Variants in PACS2 observed in about 807,000 individuals in gnomAD.
The protein encoded by PACS2 is phosphofurin acidic cluster sorting protein 2, also known as PACS1-like protein.
A neutral mutation model predicts 113.0 loss-of-function variants in PACS2; 36 were observed. That is an observed-to-expected ratio of 0.32 (90% CI 0.24 to 0.42). The LOEUF is 0.42. Ranked by LOEUF, PACS2 falls within the 10% of genes least tolerant of loss-of-function variation. The pLI is 1.00. For missense variants in PACS2, 1,015 were observed against 1,239.5 expected (o/e 0.82, Z 2.72); for synonymous variants, 589 against 536.1 (o/e 1.10, Z -1.36).
At chr14:105,331,358 T>G (rs1413212739) in intron 1 of PACS2, among the ~76,000 whole-genome samples, 2 of 152,238 alleles carry the variant, frequency 1.3e-5, no homozygotes, top group Non-Finnish European at 2.9e-5. Context: ...TATTACGTAT[T>G]TCCTCTCCTA....
intron 1 of PACS2, among the ~76,000 whole-genome samples, chr14:105,342,770 G>A (rs931851267): frequency 6.6e-6 from 1 of 151,300 alleles, no homozygotes; most frequent in Non-Finnish European, 1.5e-5. Flanking sequence ...CCCATCTCTA[G>A]TAAAAATATA....
chr14:105,344,530 A>G (rs587627855), intron 1 of PACS2, among the ~76,000 whole-genome samples: 32 of 152,214 alleles, frequency 2.1e-4, no homozygotes, highest in Admixed American at 4.6e-4. Context: ...AAATTGGTAC[A>G]TTTTATCAAA....
At position 105,335,591 on chromosome 14, in the gene PACS2, GGGCCCA is replaced by G. The variant is rs2059485465; in HGVS notation, c.120-12898_120-12893del. ...GCCTCTGCTGAGGTGGCCCCTCACT[GGGCCCA>G]GGCATGGAGACCCAGTGGTCCTAGC... On this transcript the variant is annotated intron_variant, in intron 1 of 24. Coordinates refer to ENST00000447393, the MANE Select transcript of PACS2 (RefSeq NM_001100913.3). 3.3e-5 allele frequency among the ~76,000 whole-genome samples: 5 copies of G among 152,342 alleles called. No homozygotes were observed. In the South Asian group the frequency reaches 8.3e-4, roughly 25 times the overall value.
At position 105,394,718 on chromosome 14, in the gene PACS2, C is replaced by T; in HGVS notation, c.*46C>T. ...ACCTCCTGCCCCATGCTGTGAGGGG[C>T]CCAGCTGCATTTCTGTTAACATTTC... On this transcript the variant is annotated 3_prime_UTR_variant, in exon 25 of 25. Coordinates refer to ENST00000447393, the MANE Select transcript of PACS2 (RefSeq NM_001100913.3). The T allele has an allele frequency of 8.6e-7, 1 of 1,162,584 alleles. No individual in the cohort carries two copies. Among genetic ancestry groups the T allele is most frequent in the Non-Finnish European group, 1.3e-6 (1 of 768,850 alleles). The allele number at this position is 1,162,584 out of a possible 1,614,324, so 72.0% of individuals were successfully genotyped here. A position where few individuals can be genotyped will look rare whatever the true frequency, so the allele number is the denominator to read the frequency against.
chr14:105,321,033 A>G (rs2058865939), intron 1 of PACS2, among the ~76,000 whole-genome samples: 1 of 152,186 alleles, frequency 6.6e-6, no homozygotes, highest in African/African-American at 2.4e-5. Flanking sequence ...CGCACCTGTA[A>G]TTCCAGCTAC....
chr14:105,371,979 G>A (rs2061173012), intron 8 of PACS2: 1 of 152,228 alleles, frequency 6.6e-6, no homozygotes. Context: ...CTATTCAGCG[G>A]GCAGAGCTCT....
intron 19 of PACS2, among the ~76,000 whole-genome samples, chr14:105,387,169 C>T (rs2081204259): frequency 6.6e-6 from 1 of 152,210 alleles, no homozygotes; most frequent in Non-Finnish European, 1.5e-5. Flanking sequence ...GCTCTCTGTA[C>T]CCAGAGGAGG....
intron 2 of PACS2, among the ~76,000 whole-genome samples, chr14:105,350,217 G>T (rs782667933): frequency 1.3e-5 from 2 of 152,144 alleles, no homozygotes; most frequent in Non-Finnish European, 2.9e-5. Context: ...AGGCCGTGAG[G>T]CTGTGTCTGG....
chr14:105,372,310 TAGTC>T (rs1595730352), intron 8 of PACS2: 1 of 152,332 alleles, frequency 6.6e-6, no homozygotes, highest in East Asian at 1.9e-4. Context: ...CACACCTGGA[TAGTC>T]AGTTGATTTT....
chr14:105,385,333 G>A (rs587616216), intron 18 of PACS2, among the ~76,000 whole-genome samples: 35 of 152,342 alleles, frequency 2.3e-4, no homozygotes, highest in East Asian at 7.7e-4. Context: ...TGGGTTTCTC[G>A]GGCTGGGGAA....
Position 105,384,886 on chromosome 14 carries a change from C to T in PACS2, c.1899C>T (p.Asp633=). The T allele has an allele frequency of 6.3e-7, 1 of 1,580,776 alleles. No individual in the cohort carries two copies. The highest frequency in any genetic ancestry group is 8.6e-7 in the Non-Finnish European group (1 of 1,162,042). Residue 633 remains aspartate, a synonymous_variant, in exon 18 of 25, where the codon GAC becomes GAT. Transcript: ENST00000447393. ...CGCCTCCTCCCCCTGCAGTACAGGACACGCCAGACATTGTGTCACGCATCA... is the reference window on the plus strand; with the variant it reads ...CGCCTCCTCCCCCTGCAGTACAGGATACGCCAGACATTGTGTCACGCATCA... The part of the protein sequence containing the change: ...NKLEAQSAVQ[D]TPDIVSRITQ...
At chr14:105,368,571 G>A (rs781951709) in intron 7 of PACS2, 32 bp downstream of exon 7, 2 of 1,559,082 alleles carry the variant, frequency 1.3e-6, no homozygotes, top group Admixed American at 1.7e-5. Flanking sequence ...GAATGCTGGG[G>A]AAGGCGAGGG....
At chr14:105,306,133 G>A (rs2058180210) in intron 1 of PACS2, among the ~76,000 whole-genome samples, 1 of 152,182 alleles carries the variant, frequency 6.6e-6, no homozygotes, top group Non-Finnish European at 1.5e-5. Flanking sequence ...AACTGAACGT[G>A]CTCGTAACAC....
At chr14:105,344,981 C>T (rs1862506823) in intron 1 of PACS2, among the ~76,000 whole-genome samples, 1 of 152,082 alleles carries the variant, frequency 6.6e-6, no homozygotes, top group African/African-American at 2.4e-5. Context: ...TGGTAGTGCA[C>T]ACCTGTAATC....
rs1189415917 is a variant in PACS2, at chr14:105,367,324, A to G, written c.535A>G (p.Ile179Val). ...GATCGCCTCCCTGTCCAGCCAGCCC[A>G]TTGACCACGAAGACAGCACCATGCA... ...IWIASLSSQP[I>V]DHEDSTMQAG... is the part of the protein sequence containing the mutation. The change falls in exon 5 of 25, where the codon ATT becomes GTT. Residue 179 changes from isoleucine to valine, a missense_variant. Around this residue, in one of 3 missense-constraint regions of PACS2, gnomAD observed 859 missense variants for 1,056.8 expected, o/e 0.81. Coordinates refer to ENST00000447393, the MANE Select transcript of PACS2 (RefSeq NM_001100913.3). 1.9e-6 allele frequency: 3 copies of G among 1,613,236 alleles called. No homozygotes were observed. Among genetic ancestry groups the G allele is most frequent in the Non-Finnish European group, 2.5e-6 (3 of 1,179,994 alleles).
At chr14:105,378,380 C>G (rs1355877475) in intron 9 of PACS2, among the ~76,000 whole-genome samples, 1 of 152,190 alleles carries the variant, frequency 6.6e-6, no homozygotes, top group African/African-American at 2.4e-5. Flanking sequence ...GCAGACACTG[C>G]TAAGTCCCGT....
At chr14:105,364,409 C>T (rs1258777713) in intron 4 of PACS2, among the ~76,000 whole-genome samples, 1,019 of 101,316 alleles carry the variant, frequency 0.01, 29 homozygotes, top group African/African-American at 0.047. Flanking sequence ...CCCGGGTGCG[C>T]GGTGGGCGGT....
chr14:105,389,231 A>G (rs2081277422), intron 19 of PACS2: 1 of 152,478 alleles, frequency 6.6e-6, no homozygotes, highest in Non-Finnish European at 1.5e-5. Context: ...ACGGGCTGTG[A>G]CCAGACTTCC....
rs587655437 is a variant in PACS2 at position 105,397,602 on chromosome 14, G to A, written c.*2930G>A. The A allele has an allele frequency of 2.0e-5, 3 of 152,626 alleles. No individual in the cohort carries two copies. Among genetic ancestry groups the A allele is most frequent in the African/African-American group, 7.2e-5 (3 of 41,568 alleles). 9.5% of individuals were successfully genotyped at this position (152,626 alleles called of 1,614,324 possible). A position where few individuals can be genotyped will look rare whatever the true frequency, so the allele number is the denominator to read the frequency against. On this transcript the variant is annotated 3_prime_UTR_variant, in exon 25 of 25. Coordinates refer to ENST00000447393, the MANE Select transcript of PACS2 (RefSeq NM_001100913.3). ...GTCTGCTGCCTTCCTCTTCCATGTTGGTCCCCTTGGCCACTGTCTCTGGGC... is the reference window on the plus strand; with the variant it reads ...GTCTGCTGCCTTCCTCTTCCATGTTAGTCCCCTTGGCCACTGTCTCTGGGC...
Sources: allele counts gnomAD v4.1 joint callset (sites outside exome capture counted in the v4.1 genomes callset), GRCh38; gene constraint gnomAD v4.1.1; regional missense constraint gnomAD v4.1.1; transcripts MANE v1.5; gene names NCBI Gene and HGNC (gene_info 2026-07-23, HGNC 2026-07-21).